The following PDGFRA variants were observed in gnomAD, a reference collection of about 807,000 sequenced individuals.
PDGFRA encodes platelet derived growth factor receptor alpha, also known as platelet-derived growth factor receptor alpha.
In PDGFRA, 25 loss-of-function variants were observed where a neutral mutation model predicts 121.5. The observed-to-expected ratio is 0.21, with a 90% CI of 0.15 to 0.29. The LOEUF is 0.29. PDGFRA is among the 10% of genes least tolerant of loss of function. The probability of loss-of-function intolerance (pLI) is 1.00; values close to 1 mark genes in which losing one functional copy is unlikely to be tolerated. For missense variants in PDGFRA, 1,008 were observed against 1,345.1 expected (o/e 0.75, Z 3.92); for synonymous variants, 463 against 494.8 (o/e 0.94, Z 0.85).
chr4:54,270,492 A>C (rs1343439888), intron 7 of PDGFRA, 141 bp from the exon 8 acceptor site: 1 of 632,436 alleles, frequency 1.6e-6, no homozygotes, highest in East Asian at 2.9e-5. Context: ...TGAGAATTCC[A>C]GAAGAGATGA....
chr4:54,261,052 C>A, intron 2 of PDGFRA, 43 bp from the exon 3 acceptor site: 2 of 1,561,926 alleles, frequency 1.3e-6, no homozygotes, highest in Non-Finnish European at 1.8e-6. Flanking sequence ...ATGAGACTGT[C>A]CTTTCTGACT....
At chr4:54,288,961 G>A in intron 20 of PDGFRA, 48 bp from the exon 21 acceptor site, 1 of 1,515,980 alleles carries the variant, frequency 6.6e-7, no homozygotes, top group South Asian at 1.1e-5. Flanking sequence ...GGGAGGGAGG[G>A]GCCCTGAGAC....
At chr4:54,295,047 G>T in intron 22 of PDGFRA, 78 bp from the exon 23 acceptor site, 2 of 1,443,718 alleles carry the variant, frequency 1.4e-6, no homozygotes, top group South Asian at 2.3e-5. Flanking sequence ...AAAGGCTTTC[G>T]TTTGTCTCTG....
chr4:54,248,067 G>A (rs1045139496), intron 1 of PDGFRA, among the ~76,000 whole-genome samples: 2 of 152,072 alleles, frequency 1.3e-5, no homozygotes, highest in African/African-American at 4.8e-5. Flanking sequence ...AATAAAAGAG[G>A]ATACAAACAA....
rs2110336294 is a variant in PDGFRA, at chr4:54,285,506, A to T, written c.2439+20A>T. 2 of 984,948 alleles carry T rather than the reference A, an allele frequency of 2.0e-6. No homozygotes were observed. Among genetic ancestry groups the T allele is most frequent in the South Asian group, 2.5e-5 (2 of 78,534 alleles). 61.0% of individuals were successfully genotyped at this position (984,948 alleles called of 1,614,324 possible). A position where few individuals can be genotyped will look rare whatever the true frequency, so the allele number is the denominator to read the frequency against. ...AAAAATGTAAGTTCAAGGAACACAG[A>T]CCTTTTTAGACCCAGATTTCAGTGA... is the stretch of plus-strand genomic sequence containing the variant. On this transcript the variant is annotated intron_variant, in intron 17 of 22. Coordinates refer to ENST00000257290, the MANE Select transcript of PDGFRA (RefSeq NM_006206.6).
intron 16 of PDGFRA, chr4:54,281,747 T>A (rs1724088667): frequency 7.4e-7 from 1 of 1,352,008 alleles, no homozygotes; most frequent in Non-Finnish European, 9.7e-7. Context: ...CAAAAAGAAT[T>A]GAGAACTTCT....
intron 16 of PDGFRA, chr4:54,280,748 G>T: frequency 7.8e-6 from 2 of 255,890 alleles, no homozygotes; most frequent in Non-Finnish European, 1.5e-5. Context: ...TGTTCCTGCA[G>T]TAAACATTTT....
In PDGFRA at chr4:54,278,045, A is replaced by G. The variant is rs766629952; in HGVS notation, c.2002+39A>G. 4 of 1,199,384 alleles carry G rather than the reference A, an allele frequency of 3.3e-6. No homozygotes were observed. In the South Asian group the frequency reaches 4.9e-5, roughly 15 times the overall value. 74.3% of individuals were successfully genotyped at this position (1,199,384 alleles called of 1,614,324 possible). On this transcript the variant is annotated intron_variant, in intron 14 of 22. Coordinates refer to ENST00000257290, the MANE Select transcript of PDGFRA (RefSeq NM_006206.6). ...CCTGGAGTGAGGATTTTCACTGGACACATGTGGTTGTGAAAACTGTTCAAT... is the reference window on the plus strand; with the variant it reads ...CCTGGAGTGAGGATTTTCACTGGACGCATGTGGTTGTGAAAACTGTTCAAT...
chr4:54,293,297 C>A (rs1724720532), intron 22 of PDGFRA, among the ~76,000 whole-genome samples: 1 of 152,138 alleles, frequency 6.6e-6, no homozygotes, highest in South Asian at 2.1e-4. Context: ...GGAACTTAAC[C>A]TGACTCAGGT....
At chr4:54,245,168 C>T (rs1361046436) in intron 1 of PDGFRA, among the ~76,000 whole-genome samples, 9 of 152,186 alleles carry the variant, frequency 5.9e-5, no homozygotes, top group African/African-American at 2.2e-4. Context: ...AGGAGAACCT[C>T]CCCAATCTAG....
chr4:54,288,359 C>T (rs1577745445), intron 19 of PDGFRA, among the ~76,000 whole-genome samples: 3 of 152,174 alleles, frequency 2.0e-5, no homozygotes, highest in South Asian at 4.2e-4. Flanking sequence ...GGATCATCCC[C>T]CAGTGGCTTA....
chr4:54,292,709 A>G (rs1724690072), intron 22 of PDGFRA, among the ~76,000 whole-genome samples: 1 of 151,372 alleles, frequency 6.6e-6, no homozygotes, highest in Non-Finnish European at 1.5e-5. Context: ...AAAAAAGAAC[A>G]AGATCATGTC....
At chr4:54,242,208 CATTT>C (rs961056023) in intron 1 of PDGFRA, among the ~76,000 whole-genome samples, 16 of 152,046 alleles carry the variant, frequency 1.1e-4, no homozygotes, top group African/African-American at 3.6e-4. Context: ...GGACTTTTGT[CATTT>C]ATTTATTCTT....
rs1230931000 is a variant in PDGFRA at position 54,261,922 on chromosome 4, TATATATA to T, written c.367+511_367+517del. On this transcript the variant is annotated intron_variant, in intron 3 of 22. Transcript: ENST00000257290. ...ACATATATATATATATATATATATA[TATATATA>T]TATTTTTTTTTTTTTTGGTAACAGG... Among the ~76,000 whole-genome samples the T allele has an allele frequency of 1.7e-3, 122 of 72,666 alleles. 1 individual carries two copies. In the East Asian group the frequency reaches 0.024, roughly 14 times the overall value. 47.7% of individuals were successfully genotyped at this position (72,666 alleles called of 152,430 possible).
chr4:54,270,201 G>A (rs1280155060), intron 7 of PDGFRA, among the ~76,000 whole-genome samples: 1 of 152,130 alleles, frequency 6.6e-6, no homozygotes, highest in Non-Finnish European at 1.5e-5. Flanking sequence ...CATAGAAAGT[G>A]TCCTCATTCT....
chr4:54,286,150 A>T (rs1250985041), intron 18 of PDGFRA, among the ~76,000 whole-genome samples, 187 bp downstream of exon 18: 1 of 152,010 alleles, frequency 6.6e-6, no homozygotes, highest in African/African-American at 2.4e-5. Flanking sequence ...CTTAATTTGG[A>T]TTTGGGGCTA....
At position 54,297,270 on chromosome 4, in the gene PDGFRA, C is replaced by G; in HGVS notation, c.*1998C>G. 4.3e-6 allele frequency: 1 copy of G among 233,652 alleles called. No homozygotes were observed. The highest frequency in any genetic ancestry group is 1.3e-3 in the Middle Eastern group (1 of 786). The allele number at this position is 233,652 out of a possible 1,614,324, so 14.5% of individuals were successfully genotyped here. ...GTGATTACTGCAATCACTGTGCTAT[C>G]GGCAGATGATGCTTTGGAAGATGCA... On this transcript the variant is annotated 3_prime_UTR_variant, in exon 23 of 23. Transcript: ENST00000257290.
chr4:54,290,630 G>A (rs553941131), intron 22 of PDGFRA, 76 bp downstream of exon 22: 36 of 1,522,176 alleles, frequency 2.4e-5, no homozygotes, highest in Middle Eastern at 2.2e-4. Flanking sequence ...CCATTTTCCC[G>A]ATAATGGTGC....
At chr4:54,243,276 T>C (rs1295166782) in intron 1 of PDGFRA, among the ~76,000 whole-genome samples, 1 of 152,160 alleles carries the variant, frequency 6.6e-6, no homozygotes, top group Non-Finnish European at 1.5e-5. Flanking sequence ...ATCACTTACT[T>C]ATCAGGTTTT....
Sources: allele counts gnomAD v4.1 joint callset (sites outside exome capture counted in the v4.1 genomes callset), GRCh38; gene constraint gnomAD v4.1.1; transcripts MANE v1.5; gene names NCBI Gene and HGNC (gene_info 2026-07-23, HGNC 2026-07-21).